TTC27: variants seen among roughly 807,000 people sequenced by gnomAD.
TTC27 encodes the protein tetratricopeptide repeat domain 27.
In TTC27, 79 loss-of-function variants were observed where a neutral mutation model predicts 115.9. The observed-to-expected ratio is 0.68, with a 90% CI of 0.57 to 0.82. TTC27 has a LOEUF of 0.82. Among genes scored for constraint, TTC27 ranks in the 40% least tolerant of loss-of-function variants. TTC27 has a pLI of 0.00. For synonymous variants in TTC27, 401 were observed against 356.0 expected, an observed-to-expected ratio of 1.13 and a Z score of -1.42; for missense variants, 1,054 against 993.1, an observed-to-expected ratio of 1.06 and a Z score of -0.82.
chr2:32,701,943 C>G (rs1030827764), intron 9 of TTC27, among the ~76,000 whole-genome samples: 3 of 150,050 alleles, frequency 2.0e-5, no homozygotes, highest in Non-Finnish European at 3.0e-5. Context: ...CTCAGGAAGC[C>G]GAAGCTGTAG....
intron 4 of TTC27, among the ~76,000 whole-genome samples, chr2:32,642,878 G>A (rs950425450): frequency 2.0e-5 from 3 of 152,062 alleles, no homozygotes; most frequent in African/African-American, 7.2e-5. Flanking sequence ...TTGTTGCTCA[G>A]GCTGGTCTTG....
chr2:32,708,892 T>G (rs1242889940), intron 10 of TTC27, among the ~76,000 whole-genome samples: 1 of 152,130 alleles, frequency 6.6e-6, no homozygotes, highest in South Asian at 2.1e-4. Context: ...ACATACAAAA[T>G]ATGTGTTAAT....
chr2:32,652,101 C>T (rs1311155870), intron 5 of TTC27, among the ~76,000 whole-genome samples: 4 of 152,096 alleles, frequency 2.6e-5, no homozygotes, highest in East Asian at 1.9e-4. Flanking sequence ...GGGCCAGGCG[C>T]GTTGGCTCAT....
rs750155822 is a variant in TTC27, at chr2:32,812,543, C to G, written c.2236C>G (p.Gln746Glu). 5.6e-6 allele frequency: 9 copies of G among 1,614,036 alleles called. No homozygotes were observed. Among genetic ancestry groups the G allele is most frequent in the Non-Finnish European group, 7.6e-6 (9 of 1,179,938 alleles). The change falls in exon 18 of 20, where the codon CAG (glutamine) becomes GAG (glutamate). Residue 746 changes from glutamine to glutamate, a missense_variant. Coordinates refer to ENST00000317907, the MANE Select transcript of TTC27 (RefSeq NM_017735.5). ...CLSKAYKCDT[Q>E]SNCWEKDITS... is the part of the protein sequence containing the mutation. ...CTCAAAGGCATACAAGTGTGACACC[C>G]AGTCCAATTGTTGGGAGAAAGATAT...
chr2:32,639,123 T>C (rs148907695), intron 3 of TTC27, among the ~76,000 whole-genome samples: 1,532 of 152,296 alleles, frequency 0.01, 13 homozygotes, highest in African/African-American at 0.021. Context: ...TGAGCCACCG[T>C]GCCCGGCCCA....
intron 10 of TTC27, among the ~76,000 whole-genome samples, chr2:32,713,870 G>A (rs142441574): frequency 1.3e-5 from 2 of 152,198 alleles, no homozygotes; most frequent in African/African-American, 4.8e-5. Context: ...CGTCACTCAG[G>A]TAATAAGCAT....
chr2:32,736,967 GA>G (rs1668471722), intron 12 of TTC27, 151 bp downstream of exon 12: 1 of 1,115,616 alleles, frequency 9.0e-7, no homozygotes, highest in Non-Finnish European at 1.2e-6. Context: ...TGTTTTCTCT[GA>G]TTTCCACTGG....
At chr2:32,802,458 A>T (rs769132080) in intron 16 of TTC27, among the ~76,000 whole-genome samples, 2 of 152,078 alleles carry the variant, frequency 1.3e-5, no homozygotes, top group Non-Finnish European at 2.9e-5. Context: ...TTTGTAGTCA[A>T]TCCGTCAAGA....
chr2:32,774,241 G>C (rs1318267120), intron 13 of TTC27, among the ~76,000 whole-genome samples: 1 of 150,764 alleles, frequency 6.6e-6, no homozygotes, highest in African/African-American at 2.4e-5. Flanking sequence ...GAGTGCAGTG[G>C]CGTGATTGTG....
intron 14 of TTC27, among the ~76,000 whole-genome samples, chr2:32,778,185 A>G (rs1033320134): frequency 6.6e-6 from 1 of 152,178 alleles, no homozygotes; most frequent in Non-Finnish European, 1.5e-5. Flanking sequence ...TTTTGATAAA[A>G]CAATTTTCTT....
chr2:32,707,131 T>C (rs542131068), intron 10 of TTC27, among the ~76,000 whole-genome samples: 1 of 152,332 alleles, frequency 6.6e-6, no homozygotes, highest in South Asian at 2.1e-4. Context: ...CTTTTAGCAG[T>C]TCTGAGCCAT....
intron 2 of TTC27, among the ~76,000 whole-genome samples, chr2:32,631,302 CA>C (rs978993059): frequency 2.7e-5 from 4 of 148,400 alleles, no homozygotes; most frequent in Non-Finnish European, 4.5e-5. Flanking sequence ...GACTCTGTCT[CA>C]AAAAAAAACC....
intron 11 of TTC27, among the ~76,000 whole-genome samples, chr2:32,735,785 T>G (rs1219227496): frequency 6.6e-6 from 1 of 152,078 alleles, no homozygotes; most frequent in East Asian, 2.0e-4. Context: ...ATGGGCAGTT[T>G]TTGAAAATGT....
Position 32,633,899 on chromosome 2 carries a change from G to T in TTC27, c.290G>T (p.Gly97Val). ...TERQQLIFLLGVSSLQLFVQS... is the reference protein window; with the variant it reads ...TERQQLIFLLVVSSLQLFVQS... ...AGACAACAGTTGATATTTCTACTTG[G>T]TGTGAGCAGTTTGCAACTTTTTGTT... Residue 97 changes from glycine (G) to valine (V), a missense_variant, in exon 3 of 20, where the codon GGT (glycine) becomes GTT (valine). By Grantham distance (109) the Gly-to-Val change is moderately radical. Coordinates refer to ENST00000317907, the MANE Select transcript of TTC27 (RefSeq NM_017735.5). 6.2e-7 allele frequency: 1 copy of T among 1,613,768 alleles called. No homozygotes were observed. Among genetic ancestry groups the T allele is most frequent in the Non-Finnish European group, 8.5e-7 (1 of 1,179,896 alleles).
intron 4 of TTC27, among the ~76,000 whole-genome samples, chr2:32,647,373 T>C (rs1664904334): frequency 6.6e-6 from 1 of 152,176 alleles, no homozygotes; most frequent in African/African-American, 2.4e-5. Flanking sequence ...GGACAGATAA[T>C]TGAGATGTAA....
intron 10 of TTC27, among the ~76,000 whole-genome samples, chr2:32,727,387 G>T (rs1668147300): frequency 6.6e-6 from 1 of 152,154 alleles, no homozygotes; most frequent in Non-Finnish European, 1.5e-5. Context: ...TTTGTTTTTA[G>T]ACCAGTGGAT....
intron 13 of TTC27, among the ~76,000 whole-genome samples, chr2:32,772,142 T>A (rs115072147): frequency 2.6e-5 from 4 of 152,216 alleles, no homozygotes; most frequent in Non-Finnish European, 5.9e-5. Flanking sequence ...AGTTGTCTAG[T>A]GGTGCTTAGT....
Position 32,733,812 on chromosome 2 carries a change from A to G in TTC27, c.1234-16A>G, listed in dbSNP as rs1419933653. ...GTTATACATATAGATTCTGATTGTG[A>G]TATATGTCCTTTAAGGCTCTTGCAG... On this transcript the variant is annotated splice_polypyrimidine_tract_variant and intron_variant, in intron 10 of 19. Transcript: ENST00000317907. The G allele has an allele frequency of 1.9e-5, 29 of 1,535,552 alleles. No individual in the cohort carries two copies. The highest frequency in any genetic ancestry group is 2.6e-5 in the Non-Finnish European group (29 of 1,116,042).
intron 12 of TTC27, among the ~76,000 whole-genome samples, chr2:32,749,962 T>C (rs1668954794): frequency 6.6e-6 from 1 of 152,116 alleles, no homozygotes; most frequent in Non-Finnish European, 1.5e-5. Flanking sequence ...CAGAGCCACT[T>C]TGAGTATTTT....
Sources: gnomAD v4.1 joint callset for allele counts (sites outside exome capture counted in the v4.1 genomes callset) on GRCh38, gnomAD v4.1.1 for gene constraint, MANE v1.5 for transcripts, NCBI Gene and HGNC (gene_info 2026-07-23, HGNC 2026-07-21) for gene names.